The following SLC12A2 variants were observed in gnomAD, a reference collection of about 807,000 sequenced individuals.
The protein encoded by SLC12A2 is solute carrier family 12 member 2.
Under a neutral mutation model 136.3 loss-of-function variants are expected in SLC12A2, and 67 were observed. The ratio of observed to expected loss-of-function variants is 0.49; its 90% CI spans 0.40 to 0.60. The LOEUF (loss-of-function observed/expected upper bound fraction) is 0.60. Among genes scored for constraint, SLC12A2 ranks in the 20% least tolerant of loss-of-function variants. The pLI, the probability that SLC12A2 is intolerant of heterozygous loss-of-function variation, is 0.00. For synonymous variants in SLC12A2, 619 were observed against 562.9 expected (o/e 1.10, Z -1.41); for missense variants, 1,322 against 1,534.7 (o/e 0.86, Z 2.32).
chr5:128,127,096 A>G (rs529000591), intron 4 of SLC12A2, among the ~76,000 whole-genome samples: 52 of 142,508 alleles, frequency 3.6e-4, no homozygotes, highest in African/African-American at 1.0e-3. Context: ...GAGTATGATC[A>G]TAAGGAATAT....
rs1007967587 is a variant in SLC12A2, at chr5:128,165,928, C to G, written c.2617-1833C>G. On this transcript the variant is annotated intron_variant, in intron 17 of 26. Transcript: ENST00000262461. ...TGGTTTTCTTTTACCTCCCCCCCCC[C>G]CCCCCAGTTAAAAATATGCTGTGTG... 6.9e-3 allele frequency among the ~76,000 whole-genome samples: 1,008 copies of G among 145,744 alleles called. 52 individuals carry two copies. The highest frequency in any genetic ancestry group is 0.011 in the Non-Finnish European group (754 of 65,656).
At chr5:128,124,697 C>G (rs1326527307) in intron 4 of SLC12A2, among the ~76,000 whole-genome samples, 3 of 152,100 alleles carry the variant, frequency 2.0e-5, no homozygotes, top group Non-Finnish European at 4.4e-5. Context: ...CATTATATAG[C>G]CACGATTGAT....
At chr5:128,178,488 T>A in intron 21 of SLC12A2, 79 bp from the exon 22 acceptor site, 1 of 1,071,852 alleles carries the variant, frequency 9.3e-7, no homozygotes, top group Non-Finnish European at 1.3e-6. Context: ...TATACAAACA[T>A]TAGGAAATGA....
chr5:128,120,066 C>T (rs1321183615), intron 4 of SLC12A2, among the ~76,000 whole-genome samples: 11 of 151,978 alleles, frequency 7.2e-5, no homozygotes, highest in African/African-American at 2.2e-4. Context: ...ACAGACACTT[C>T]TCAAAAGAAG....
At chr5:128,148,071 T>G (rs894818433) in intron 11 of SLC12A2, among the ~76,000 whole-genome samples, 2 of 151,618 alleles carry the variant, frequency 1.3e-5, no homozygotes, top group African/African-American at 4.8e-5. Flanking sequence ...GTAAAATATC[T>G]TTGTTCTAGT....
intron 1 of SLC12A2, among the ~76,000 whole-genome samples, chr5:128,087,792 G>A (rs930706356): frequency 1.3e-5 from 2 of 152,068 alleles, no homozygotes; most frequent in African/African-American, 4.8e-5. Context: ...AGTAAAGGTT[G>A]GTGGCACAAA....
rs367630382 is a variant in SLC12A2, at chr5:128,182,920, A to C, written c.3278A>C (p.Asn1093Thr). The C allele has an allele frequency of 6.2e-7, 1 of 1,608,234 alleles. No homozygotes were observed. The highest frequency in any genetic ancestry group is 8.5e-7 in the Non-Finnish European group (1 of 1,176,328). The change falls in exon 24 of 27, where the codon AAT becomes ACT. Residue 1093 changes from asparagine to threonine, a missense_variant. By Grantham distance (65) the Asn-to-Thr change is moderately conservative. Transcript: ENST00000262461. The part of the protein sequence containing the change: ...FSDIMVLGDI[N>T]TKPKKENIIA... ...GATATCATGGTTCTAGGAGATATCA[A>C]TACCAAACCAAAGAAAGAAAAGTAA... is the stretch of plus-strand genomic sequence containing the variant.
intron 15 of SLC12A2, among the ~76,000 whole-genome samples, chr5:128,155,269 A>G (rs887202547): frequency 1.3e-5 from 2 of 148,420 alleles, no homozygotes; most frequent in African/African-American, 2.6e-5. Flanking sequence ...TTCTGAAACA[A>G]TGGAAAACAA....
intron 4 of SLC12A2, among the ~76,000 whole-genome samples, chr5:128,127,594 A>G (rs962178950): frequency 3.3e-5 from 5 of 151,794 alleles, no homozygotes; most frequent in Admixed American, 1.3e-4. Context: ...AGGAGTGCTT[A>G]TCACAAATTT....
rs143043851 is a variant in SLC12A2 at position 128,087,555 on chromosome 5, G to C, written c.756+2845G>C. ...TGACAGTCCTGACCAAAGGGACAGC[G>C]CACATGAAGGTAATGGGGTGAGAAA... On this transcript the variant is annotated intron_variant, in intron 1 of 26. Transcript: ENST00000262461. 4.7e-4 allele frequency among the ~76,000 whole-genome samples: 71 copies of C among 152,310 alleles called. 1 individual carries two copies. The East Asian group carries it at 0.013, about 29-fold the overall frequency.
intron 18 of SLC12A2, among the ~76,000 whole-genome samples, chr5:128,171,325 A>G (rs1181543470): frequency 6.6e-6 from 1 of 152,128 alleles, no homozygotes; most frequent in Non-Finnish European, 1.5e-5. Flanking sequence ...TTAATGGTAT[A>G]AGCCCAAATA....
chr5:128,157,858 T>A (rs1305009285), intron 15 of SLC12A2, 195 bp from the exon 16 acceptor site: 1 of 514,372 alleles, frequency 1.9e-6, no homozygotes, highest in African/African-American at 2.0e-5. Context: ...TTTGGCATGA[T>A]GTTTGTTCCA....
chr5:128,117,162 T>G (rs1035838682), intron 4 of SLC12A2, among the ~76,000 whole-genome samples: 5 of 152,178 alleles, frequency 3.3e-5, no homozygotes, highest in African/African-American at 1.2e-4. Context: ...AAAAATTGAT[T>G]CCTTATCTGG....
chr5:128,099,434 C>T (rs1446644509), intron 1 of SLC12A2, among the ~76,000 whole-genome samples: 1 of 152,152 alleles, frequency 6.6e-6, no homozygotes, highest in East Asian at 1.9e-4. Context: ...AGGCCTAACA[C>T]ATTACTGTAC....
At chr5:128,180,206 G>C (rs140476042) in intron 22 of SLC12A2, among the ~76,000 whole-genome samples, 3 of 151,712 alleles carry the variant, frequency 2.0e-5, no homozygotes, top group Non-Finnish European at 4.4e-5. Context: ...TCCTGACCTC[G>C]TGATCCACCC....
In SLC12A2 at chr5:128,112,524, G is replaced by A. The variant is rs189107738; in HGVS notation, c.757-290G>A. ...GCTACCCTGTAATTAGCAAACAGGA[G>A]TCATTGTTTCCTCCAGACACTACCA... On this transcript the variant is annotated intron_variant, in intron 1 of 26. Transcript: ENST00000262461. Among the ~76,000 whole-genome samples, 354 of 152,308 alleles carry A rather than the reference G, an allele frequency of 2.3e-3. 1 individual carries two copies. The highest frequency in any genetic ancestry group is 0.019 in the South Asian group (90 of 4,826).
At chr5:128,182,153 AAATTT>A (rs926649621) in intron 23 of SLC12A2, among the ~76,000 whole-genome samples, 35 of 152,276 alleles carry the variant, frequency 2.3e-4, no homozygotes, top group African/African-American at 7.7e-4. Flanking sequence ...TACTAATAAT[AAATTT>A]AATAGTCAAA....
intron 10 of SLC12A2, among the ~76,000 whole-genome samples, chr5:128,146,527 A>G (rs1762529659): frequency 1.5e-5 from 2 of 135,862 alleles, no homozygotes; most frequent in African/African-American, 3.2e-5. Flanking sequence ...GATCAATCCT[A>G]TGTTGTTGGT....
chr5:128,085,298 A>G (rs1445310387), intron 1 of SLC12A2, among the ~76,000 whole-genome samples: 1 of 152,068 alleles, frequency 6.6e-6, no homozygotes, highest in South Asian at 2.1e-4. Flanking sequence ...TAATAATGGC[A>G]TAACTCTTTT....
Sources: gnomAD v4.1 joint callset for allele counts (sites outside exome capture counted in the v4.1 genomes callset) on GRCh38, gnomAD v4.1.1 for gene constraint, MANE v1.5 for transcripts, NCBI Gene and HGNC (gene_info 2026-07-23, HGNC 2026-07-21) for gene names.